SEMA3E: variants seen among roughly 807,000 people sequenced by gnomAD.
SEMA3E encodes the protein semaphorin 3E.
Under a neutral mutation model 93.6 loss-of-function variants are expected in SEMA3E, and 49 were observed. The observed-to-expected ratio is 0.52, with a 90% CI of 0.42 to 0.66. The LOEUF (loss-of-function observed/expected upper bound fraction) is 0.66. SEMA3E is among the 30% of genes least tolerant of loss of function. SEMA3E has a pLI of 0.00. For synonymous variants in SEMA3E, 363 were observed against 330.7 expected, an observed-to-expected ratio of 1.10 and a Z score of -1.06; for missense variants, 906 against 964.8, an observed-to-expected ratio of 0.94 and a Z score of 0.81.
chr7:83,586,390 A>T (rs949575600), intron 1 of SEMA3E, among the ~76,000 whole-genome samples: 11 of 151,996 alleles, frequency 7.2e-5, no homozygotes, highest in African/African-American at 2.7e-4. Flanking sequence ...TGAATTTGGC[A>T]TTACTAAACC....
At chr7:83,543,793 T>C (rs2115773065) in intron 1 of SEMA3E, among the ~76,000 whole-genome samples, 1 of 152,140 alleles carries the variant, frequency 6.6e-6, no homozygotes, top group Middle Eastern at 3.4e-3. Context: ...AATGTTGACT[T>C]CATAATTGAG....
intron 16 of SEMA3E, chr7:83,371,476 C>T (rs1233854988): frequency 6.6e-6 from 1 of 152,120 alleles, no homozygotes; most frequent in Non-Finnish European, 1.5e-5. Context: ...AGTAAATAAA[C>T]ATTTTAATGA....
chr7:83,499,602 C>T (rs1397801361), intron 1 of SEMA3E, among the ~76,000 whole-genome samples: 2 of 152,088 alleles, frequency 1.3e-5, no homozygotes, highest in African/African-American at 4.8e-5. Context: ...TTTTGAAGGT[C>T]ATGGCTGAGA....
intron 1 of SEMA3E, among the ~76,000 whole-genome samples, chr7:83,530,188 C>T (rs1463870442): frequency 1.3e-5 from 2 of 152,054 alleles, no homozygotes; most frequent in African/African-American, 4.8e-5. Context: ...ACTCTAAGGC[C>T]TTTAACCTTG....
At chr7:83,379,665 G>C (rs996158316) in intron 16 of SEMA3E, among the ~76,000 whole-genome samples, 3 of 151,712 alleles carry the variant, frequency 2.0e-5, no homozygotes, top group Non-Finnish European at 4.4e-5. Context: ...TCACTGCATT[G>C]TGTCTAAGGG....
intron 1 of SEMA3E, among the ~76,000 whole-genome samples, chr7:83,640,756 G>A (rs1173849977): frequency 6.6e-6 from 1 of 152,066 alleles, no homozygotes; most frequent in East Asian, 1.9e-4. Flanking sequence ...CTTAAGGTGA[G>A]GAAGAAATCA....
chr7:83,389,839 A>G, intron 14 of SEMA3E, among the ~76,000 whole-genome samples: 1 of 24,268 alleles, frequency 4.1e-5, no homozygotes, highest in African/African-American at 1.5e-4. Flanking sequence ...CGTATATATT[A>G]CATGTATACA....
intron 1 of SEMA3E, among the ~76,000 whole-genome samples, chr7:83,492,461 T>G (rs537357997): frequency 2.0e-4 from 30 of 152,138 alleles, no homozygotes; most frequent in African/African-American, 7.2e-4. Context: ...AGTCTAAAGA[T>G]AGTAGTTCTT....
At chr7:83,581,802 T>C (rs1050270813) in intron 1 of SEMA3E, among the ~76,000 whole-genome samples, 9 of 151,938 alleles carry the variant, frequency 5.9e-5, no homozygotes, top group Non-Finnish European at 1.3e-4. Context: ...AAACAATCTG[T>C]CAGAGTGTAC....
chr7:83,543,235 TAAG>T (rs934752263), intron 1 of SEMA3E, among the ~76,000 whole-genome samples: 1 of 152,072 alleles, frequency 6.6e-6, no homozygotes, highest in Non-Finnish European at 1.5e-5. Flanking sequence ...GTTATTTGGA[TAAG>T]TCAGTCAAAA....
At chr7:83,540,053 T>C (rs180827139) in intron 1 of SEMA3E, among the ~76,000 whole-genome samples, 73 of 152,208 alleles carry the variant, frequency 4.8e-4, no homozygotes, top group Middle Eastern at 3.4e-3. Flanking sequence ...CTGGGTAATT[T>C]TTGTATTTTT....
chr7:83,495,968 A>G (rs1296066630), intron 1 of SEMA3E, among the ~76,000 whole-genome samples: 1 of 151,944 alleles, frequency 6.6e-6, no homozygotes, highest in African/African-American at 2.4e-5. Flanking sequence ...TCCTATATCC[A>G]GGTACTGGTC....
chr7:83,428,528 C>T (rs949849662), intron 4 of SEMA3E, among the ~76,000 whole-genome samples: 3 of 152,132 alleles, frequency 2.0e-5, no homozygotes, highest in Non-Finnish European at 2.9e-5. Flanking sequence ...ATAATAGCTA[C>T]ATGATAATGT....
chr7:83,622,254 G>T (rs1351350596), intron 1 of SEMA3E, among the ~76,000 whole-genome samples: 1 of 151,314 alleles, frequency 6.6e-6, no homozygotes, highest in Admixed American at 6.6e-5. Context: ...GATCATTAGA[G>T]AAATGCAAAT....
At chr7:83,561,637 C>T (rs896029958) in intron 1 of SEMA3E, among the ~76,000 whole-genome samples, 1 of 152,166 alleles carries the variant, frequency 6.6e-6, no homozygotes, top group Non-Finnish European at 1.5e-5. Context: ...TAGTAACCAG[C>T]TGATAGCATT....
At chr7:83,379,070 A>T (rs1439001865) in intron 16 of SEMA3E, among the ~76,000 whole-genome samples, 1 of 151,866 alleles carries the variant, frequency 6.6e-6, no homozygotes, top group Admixed American at 6.6e-5. Context: ...TCAGCCATTA[A>T]AAACAAATGA....
intron 5 of SEMA3E, among the ~76,000 whole-genome samples, chr7:83,412,141 C>G (rs2709965): frequency 1.3e-5 from 2 of 151,866 alleles, no homozygotes; most frequent in African/African-American, 4.8e-5. Flanking sequence ...TTCCACACCT[C>G]TCTTCTCACT....
intron 5 of SEMA3E, among the ~76,000 whole-genome samples, chr7:83,415,538 T>G (rs1300052539): frequency 2.6e-5 from 4 of 152,108 alleles, no homozygotes; most frequent in African/African-American, 7.2e-5. Flanking sequence ...CATTTCTAAG[T>G]TAGATTATAA....
Position 83,618,270 on chromosome 7 carries a change from A to G in SEMA3E, c.115+30158T>C, listed in dbSNP as rs543235413. On this transcript the variant is annotated intron_variant, in intron 1 of 16. Coordinates refer to ENST00000643230, the MANE Select transcript of SEMA3E (RefSeq NM_012431.3). ...ATGAAGGTTAAGTAATTAACCCAAA[A>G]TCACACGGTCTGAAAAATTAGAACA... 3.9e-5 allele frequency among the ~76,000 whole-genome samples: 6 copies of G among 152,212 alleles called. No homozygotes were observed. In the East Asian group the frequency reaches 1.2e-3, roughly 29 times the overall value.
Sources: gnomAD v4.1 joint callset for allele counts (sites outside exome capture counted in the v4.1 genomes callset) on GRCh38, gnomAD v4.1.1 for gene constraint, MANE v1.5 for transcripts, NCBI Gene and HGNC (gene_info 2026-07-23, HGNC 2026-07-21) for gene names.